The following GRIK4 variants were observed in gnomAD, a reference collection of about 807,000 sequenced individuals.
GRIK4 encodes glutamate receptor ionotropic, kainate 4.
In GRIK4, 40 loss-of-function variants were observed where a neutral mutation model predicts 104.9. The ratio of observed to expected loss-of-function variants is 0.38; its 90% CI spans 0.30 to 0.50. The LOEUF (loss-of-function observed/expected upper bound fraction) is 0.50. Among genes scored for constraint, GRIK4 ranks in the 20% least tolerant of loss-of-function variants. The probability of loss-of-function intolerance (pLI) is 0.93; values close to 1 mark genes in which losing one functional copy is unlikely to be tolerated. For synonymous variants in GRIK4, 485 were observed against 524.9 expected, an observed-to-expected ratio of 0.92 and a Z score of 1.04; for missense variants, 1,047 against 1,308.1, an observed-to-expected ratio of 0.80 and a Z score of 3.08.
chr11:120,910,582 G>T (rs965490691), intron 13 of GRIK4, among the ~76,000 whole-genome samples: 17 of 152,244 alleles, frequency 1.1e-4, no homozygotes, highest in Non-Finnish European at 2.2e-4. Flanking sequence ...TGGCAGAGAG[G>T]AGACAGACTG....
chr11:120,988,432 A>T lies in GRIK4; in HGVS notation c.*2172A>T, dbSNP rs1944793135. The T allele has an allele frequency of 6.6e-6, 1 of 152,142 alleles. No individual in the cohort carries two copies. Among genetic ancestry groups the T allele is most frequent in the African/African-American group, 2.4e-5 (1 of 41,380 alleles). The allele number at this position is 152,142 out of a possible 1,614,324, so 9.4% of individuals were successfully genotyped here. On this transcript the variant is annotated 3_prime_UTR_variant, in exon 21 of 21. Coordinates refer to ENST00000527524, the MANE Select transcript of GRIK4 (RefSeq NM_014619.5). ...GGGCGGGAAGGGTGGTTTTTTAAAA[A>T]AACTCGTTTTTATGAGCAGGCTATC... is the stretch of plus-strand genomic sequence containing the variant.
In GRIK4 at chr11:120,949,685, A is replaced by G. The variant is rs534773049; in HGVS notation, c.1591-3170A>G. ...TTAATTAGGGAATTTATTGGAGTAAATAAAGATGCGAAGATGAAAAGGAGA... is the reference window on the plus strand; with the variant it reads ...TTAATTAGGGAATTTATTGGAGTAAGTAAAGATGCGAAGATGAAAAGGAGA... On this transcript the variant is annotated intron_variant, in intron 14 of 20. Coordinates refer to ENST00000527524, the MANE Select transcript of GRIK4 (RefSeq NM_014619.5). Among the ~76,000 whole-genome samples, 6 of 152,302 alleles carry G rather than the reference A, an allele frequency of 3.9e-5. No individual in the cohort carries two copies. The East Asian group carries it at 1.2e-3, about 29-fold the overall frequency.
chr11:120,742,450 T>C (rs1951350456), intron 3 of GRIK4, among the ~76,000 whole-genome samples: 1 of 151,730 alleles, frequency 6.6e-6, no homozygotes, highest in Non-Finnish European at 1.5e-5. Flanking sequence ...CAGTGATCTT[T>C]AGAGAAATGT....
chr11:120,882,298 C>A (rs2135706551), intron 11 of GRIK4, among the ~76,000 whole-genome samples: 1 of 152,292 alleles, frequency 6.6e-6, no homozygotes, highest in East Asian at 1.9e-4. Flanking sequence ...AATACATTTT[C>A]AATTTGAGGA....
At chr11:120,594,701 G>A (rs116279908) in intron 1 of GRIK4, among the ~76,000 whole-genome samples, 260 of 152,274 alleles carry the variant, frequency 1.7e-3, no homozygotes, top group African/African-American at 6.1e-3. Flanking sequence ...CCATGAAAGA[G>A]GTGGTGGTAT....
chr11:120,651,357 G>A (rs1035911437), intron 1 of GRIK4, among the ~76,000 whole-genome samples: 1 of 152,204 alleles, frequency 6.6e-6, no homozygotes, highest in Non-Finnish European at 1.5e-5. Context: ...AGGATGCATA[G>A]TGACAACTGG....
chr11:120,534,735 G>A lies in GRIK4; in HGVS notation c.-159+22848G>A, dbSNP rs146125711. Among the ~76,000 whole-genome samples, 505 of 152,290 alleles carry A rather than the reference G, an allele frequency of 3.3e-3. 3 individuals are homozygous for A. Among genetic ancestry groups the A allele is most frequent in the African/African-American group, 0.01 (417 of 41,558 alleles). On this transcript the variant is annotated intron_variant, in intron 1 of 20. Transcript: ENST00000527524. ...AGGAGGTGACTGCCATAGCAGAAGA[G>A]CATTGGACAGGTCCAGAGGGGACAT...
At chr11:120,785,034 A>G (rs1952236062) in intron 3 of GRIK4, among the ~76,000 whole-genome samples, 1 of 149,990 alleles carries the variant, frequency 6.7e-6, no homozygotes, top group Non-Finnish European at 1.5e-5. Context: ...TCTGCACTAG[A>G]CCTATGAAGG....
At chr11:120,573,933 T>A (rs1438374634) in intron 1 of GRIK4, among the ~76,000 whole-genome samples, 1 of 152,192 alleles carries the variant, frequency 6.6e-6, no homozygotes, top group African/African-American at 2.4e-5. Flanking sequence ...GCCTTCGGGC[T>A]CCTGCTGATT....
In GRIK4 at chr11:120,760,381, A is replaced by G. The variant is rs1207355678; in HGVS notation, c.83-42312A>G. On this transcript the variant is annotated intron_variant, in intron 3 of 20. Coordinates refer to ENST00000527524, the MANE Select transcript of GRIK4 (RefSeq NM_014619.5). ...AATGGAATATTTTATATATATATAA[A>G]CATATATATACATATATATAAACAT... Among the ~76,000 whole-genome samples, 6 of 147,556 alleles carry G rather than the reference A, an allele frequency of 4.1e-5. 1 individual carries two copies. Among genetic ancestry groups the G allele is most frequent in the South Asian group, 4.2e-4 (2 of 4,764 alleles).
intron 1 of GRIK4, among the ~76,000 whole-genome samples, chr11:120,556,186 CCT>C (rs886641897): frequency 1.2e-4 from 18 of 152,078 alleles, no homozygotes; most frequent in African/African-American, 4.3e-4. Flanking sequence ...TCCCCCGGCC[CCT>C]GTCACAGCGC....
At chr11:120,900,679 A>G (rs76331327) in intron 12 of GRIK4, among the ~76,000 whole-genome samples, 2,147 of 152,148 alleles carry the variant, frequency 0.014, 54 homozygotes, top group African/African-American at 0.049. Flanking sequence ...GGGAGCATTG[A>G]GCAGAGACCT....
intron 13 of GRIK4, among the ~76,000 whole-genome samples, chr11:120,910,925 G>A (rs547202780): frequency 2.6e-5 from 4 of 152,318 alleles, no homozygotes; most frequent in East Asian, 1.9e-4. Context: ...GAAGAGACAC[G>A]GAGAGAGAAG....
At chr11:120,654,598 C>A (rs770258937) in intron 2 of GRIK4, among the ~76,000 whole-genome samples, 1 of 152,148 alleles carries the variant, frequency 6.6e-6, no homozygotes, top group South Asian at 2.1e-4. Context: ...CCTGACCTCA[C>A]GTGATCTGCC....
intron 1 of GRIK4, among the ~76,000 whole-genome samples, chr11:120,541,351 A>C (rs997169968): frequency 4.6e-5 from 7 of 152,210 alleles, no homozygotes; most frequent in African/African-American, 1.7e-4. Flanking sequence ...TTTCGCCCAG[A>C]AGATTAGGTA....
intron 1 of GRIK4, among the ~76,000 whole-genome samples, chr11:120,594,254 G>T (rs1861197554): frequency 6.6e-6 from 1 of 152,234 alleles, no homozygotes; most frequent in African/African-American, 2.4e-5. Context: ...AAGGCCGGCA[G>T]ATTGCTTGAA....
chr11:120,597,440 T>TACCCA (rs1948818024), intron 1 of GRIK4, among the ~76,000 whole-genome samples: 1 of 152,216 alleles, frequency 6.6e-6, no homozygotes, highest in African/African-American at 2.4e-5. Flanking sequence ...CTTGGCTGAC[T>TACCCA]ACCCAACAGG....
chr11:120,835,823 C>T (rs191785241), intron 7 of GRIK4, among the ~76,000 whole-genome samples: 20 of 152,172 alleles, frequency 1.3e-4, no homozygotes, highest in Non-Finnish European at 2.4e-4. Flanking sequence ...GGCACACTGA[C>T]GGGGAAGGTT....
At chr11:120,910,469 G>A (rs1942966354) in intron 13 of GRIK4, among the ~76,000 whole-genome samples, 1 of 152,194 alleles carries the variant, frequency 6.6e-6, no homozygotes, top group African/African-American at 2.4e-5. Flanking sequence ...GGTTGTTCGA[G>A]AGGCTCTCAG....
Sources: allele counts gnomAD v4.1 joint callset (sites outside exome capture counted in the v4.1 genomes callset), GRCh38; gene constraint gnomAD v4.1.1; transcripts MANE v1.5; gene names NCBI Gene and HGNC (gene_info 2026-07-23, HGNC 2026-07-21).